Variants in CDH3 observed in about 807,000 individuals in gnomAD.
CDH3 encodes the protein cadherin 3, also known as cadherin-3.
In CDH3, 54 loss-of-function variants were observed where a neutral mutation model predicts 82.0. The ratio of observed to expected loss-of-function variants is 0.66; its 90% CI spans 0.53 to 0.83. The LOEUF (loss-of-function observed/expected upper bound fraction) is 0.83, where lower values mean the gene tolerates loss of function less well. CDH3 is among the 40% of genes least tolerant of loss of function. CDH3 has a pLI of 0.00. For missense variants in CDH3, 1,054 were observed against 1,084.6 expected, an observed-to-expected ratio of 0.97 and a Z score of 0.40; for synonymous variants, 446 against 437.9, an observed-to-expected ratio of 1.02 and a Z score of -0.23.
downstream of CDH3, among the ~76,000 whole-genome samples, chr16:68,731,425 T>TATATAC (rs1555509198): frequency 3.8e-5 from 2 of 51,950 alleles, no homozygotes; most frequent in Non-Finnish European, 6.5e-5. Flanking sequence ...CATATACACA[T>TATATAC]ATATACACAT....
intron 1 of CDH3, among the ~76,000 whole-genome samples, chr16:68,709,367 C>G (rs553930699): frequency 1.3e-5 from 2 of 152,020 alleles, no homozygotes; most frequent in East Asian, 3.9e-4. Flanking sequence ...CCCCTGCACC[C>G]GGCGCAGAAG....
rs1961119834 is a variant in CDH3, at chr16:68,678,891, G to A, written c.676G>A (p.Glu226Lys). 6.2e-7 allele frequency: 1 copy of A among 1,613,706 alleles called. No homozygotes were observed. Among genetic ancestry groups the A allele is most frequent in the Non-Finnish European group, 8.5e-7 (1 of 1,180,032 alleles). ...GGACACCTTCCGAGGGAGTGTCTTA[G>A]AGGGAGTCCTACCAGGTAAGAGGAC... ...TQDTFRGSVL[E>K]GVLPGTSVMQ... The change falls in exon 6 of 16, where the codon GAG (glutamate) becomes AAG (lysine). Residue 226 changes from glutamate (E) to lysine (K), a missense_variant. Glu to Lys is a moderately conservative substitution (Grantham distance 56). Transcript: ENST00000264012.
At chr16:68,731,481 CGTATATACACATATATAT>C (rs1340617640), downstream of CDH3, among the ~76,000 whole-genome samples, 4,691 of 37,354 alleles carry the variant, frequency 0.13, 304 homozygotes, top group Non-Finnish European at 0.21. Context: ...TACACACACA[CGTATATACACATATATAT>C]ATACACACAC....
At chr16:68,682,771 C>A (rs1036192136) in intron 9 of CDH3, among the ~76,000 whole-genome samples, 3 of 152,202 alleles carry the variant, frequency 2.0e-5, no homozygotes, top group African/African-American at 7.2e-5. Context: ...GAATCAGTCT[C>A]ACATAGAGAG....
intron 2 of CDH3, among the ~76,000 whole-genome samples, chr16:68,669,742 C>A (rs1960835875): frequency 6.6e-6 from 1 of 152,010 alleles, no homozygotes; most frequent in South Asian, 2.1e-4. Context: ...TTGAGTCTCT[C>A]CTTAAAGGAA....
At chr16:68,656,249 G>T (rs960173586) in intron 2 of CDH3, among the ~76,000 whole-genome samples, 1 of 152,156 alleles carries the variant, frequency 6.6e-6, no homozygotes, top group African/African-American at 2.4e-5. Flanking sequence ...TACCAGTATG[G>T]AGGCCAGGGT....
At chr16:68,706,155 G>A (rs1961961178) in intron 1 of CDH3, among the ~76,000 whole-genome samples, 3 of 151,784 alleles carry the variant, frequency 2.0e-5, no homozygotes, top group South Asian at 2.1e-4. Flanking sequence ...TGTCAAGATC[G>A]ACATCACAAA....
intron 2 of CDH3, among the ~76,000 whole-genome samples, chr16:68,663,799 G>C (rs1960662902): frequency 6.6e-6 from 1 of 151,768 alleles, no homozygotes; most frequent in Non-Finnish European, 1.5e-5. Context: ...TTTTTAATCA[G>C]ATATTTTATT....
Position 68,698,603 on chromosome 16 carries a change from C to T in CDH3, c.*203C>T, listed in dbSNP as rs1597823398. The T allele has an allele frequency of 1.9e-5, 11 of 594,550 alleles. No individual in the cohort carries two copies. The East Asian group carries it at 3.1e-4, about 17-fold the overall frequency. The allele number at this position is 594,550 out of a possible 1,614,324, so 36.8% of individuals were successfully genotyped here. A position where few individuals can be genotyped will look rare whatever the true frequency, so the allele number is the denominator to read the frequency against. ...AGGAATGTGGGCAGTTTGACTTCAG[C>T]ACTGAAAACCTCTCCACCTGGGCCA... On this transcript the variant is annotated 3_prime_UTR_variant, in exon 16 of 16. Transcript: ENST00000264012.
chr16:68,697,324 TAAAA>T, intron 15 of CDH3, among the ~76,000 whole-genome samples: 1 of 146,772 alleles, frequency 6.8e-6, no homozygotes, highest in South Asian at 2.2e-4. Flanking sequence ...ATTCCATCTT[TAAAA>T]AAAAAAAAAT....
chr16:68,693,227 A>C (rs7201437), intron 13 of CDH3, among the ~76,000 whole-genome samples: 85,747 of 152,066 alleles, frequency 0.56, 24,476 homozygotes, highest in Middle Eastern at 0.62. Context: ...AGTTATCAGA[A>C]GGTTTTGAGC....
Position 68,654,380 on chromosome 16 carries a change from A to ATTTTTTTTTTTT in CDH3, c.160+8657_160+8668dup, listed in dbSNP as rs1176713669. ...GGCCTTTTTCTTAATTTTTAAATTA[A>ATTTTTTTTTTTT]TTTTTTTTTTTTTTTTTTTTTTTTT... On this transcript the variant is annotated intron_variant, in intron 2 of 15. Coordinates refer to ENST00000264012, the MANE Select transcript of CDH3 (RefSeq NM_001793.6). Among the ~76,000 whole-genome samples the ATTTTTTTTTTTT allele has an allele frequency of 3.1e-4, 15 of 48,494 alleles. 1 individual carries two copies. Among genetic ancestry groups the ATTTTTTTTTTTT allele is most frequent in the African/African-American group, 5.8e-4 (6 of 10,292 alleles). The allele number at this position is 48,494 out of a possible 152,430, so 31.8% of individuals were successfully genotyped here. A position where few individuals can be genotyped will look rare whatever the true frequency, so the allele number is the denominator to read the frequency against.
chr16:68,695,436 T>A lies in CDH3; in HGVS notation c.2133+51T>A, dbSNP rs1597820483. ...GGGAGGTGGATGCCCCTAAGGCCAC[T>A]GGCAGGGCTGTTGGGTCAACCAACT... On this transcript the variant is annotated intron_variant, in intron 14 of 15. Transcript: ENST00000264012. 14 of 1,561,294 alleles carry A rather than the reference T, an allele frequency of 9.0e-6. No individual in the cohort carries two copies. In the East Asian group the frequency reaches 3.3e-4, roughly 36 times the overall value.
chr16:68,653,695 T>C (rs5013431), intron 2 of CDH3, among the ~76,000 whole-genome samples: 24,636 of 149,318 alleles, frequency 0.16, 2,200 homozygotes, highest in Non-Finnish European at 0.21. Flanking sequence ...TTCTTTCTTT[T>C]TTTTTTTTTT....
intron 2 of CDH3, among the ~76,000 whole-genome samples, chr16:68,659,040 A>G (rs933833590): frequency 4.6e-5 from 7 of 152,202 alleles, no homozygotes; most frequent in African/African-American, 9.7e-5. Context: ...TTACTATGTG[A>G]CAGATAAAGT....
chr16:68,719,568 C>T (rs1221184704), intron 1 of CDH3, among the ~76,000 whole-genome samples: 4 of 130,382 alleles, frequency 3.1e-5, no homozygotes, highest in South Asian at 4.9e-4. Flanking sequence ...AGTGCAGTGG[C>T]GCCATCTTGG....
intron 3 of CDH3, among the ~76,000 whole-genome samples, chr16:68,676,926 AT>A (rs1567447055): frequency 6.6e-6 from 1 of 152,206 alleles, no homozygotes; most frequent in African/African-American, 2.4e-5. Flanking sequence ...AAAATAAAAA[AT>A]AATAATAAGC....
At chr16:68,731,077 T>TATATAA (rs1323551115), downstream of CDH3, among the ~76,000 whole-genome samples, 2 of 113,114 alleles carry the variant, frequency 1.8e-5, no homozygotes, top group East Asian at 2.5e-4. Context: ...TATATATATA[T>TATATAA]AATTATAAAA....
intron 12 of CDH3, among the ~76,000 whole-genome samples, chr16:68,690,274 C>G (rs1489740811): frequency 1.3e-5 from 2 of 152,224 alleles, no homozygotes; most frequent in African/African-American, 2.4e-5. Context: ...CTGATCGGAT[C>G]TGCTCAACAT....
Sources: gnomAD v4.1 joint callset for allele counts (sites outside exome capture counted in the v4.1 genomes callset) on GRCh38, gnomAD v4.1.1 for gene constraint, MANE v1.5 for transcripts, NCBI Gene and HGNC (gene_info 2026-07-23, HGNC 2026-07-21) for gene names.